The following GLRX5 variants were observed in gnomAD, a reference collection of about 807,000 sequenced individuals.
The protein encoded by GLRX5 is glutaredoxin 5, also known as glutaredoxin-related protein 5, mitochondrial.
GLRX5 carries 10 observed loss-of-function variants against 13.8 expected under a neutral mutation model. The ratio of observed to expected loss-of-function variants is 0.72; its 90% confidence interval spans 0.45 to 1.23. The LOEUF is 1.23. GLRX5 is among the 50% of genes most tolerant of loss of function. The pLI, the probability that GLRX5 is intolerant of heterozygous loss-of-function variation, is 0.00. For missense variants in GLRX5, 233 were observed against 215.2 expected (o/e 1.08, Z -0.52); for synonymous variants, 98 against 101.1 (o/e 0.97, Z 0.18).
intron 1 of GLRX5, among the ~76,000 whole-genome samples, chr14:95,537,206 G>A (rs1353340089): frequency 6.6e-6 from 1 of 152,194 alleles, no homozygotes; most frequent in Non-Finnish European, 1.5e-5. Context: ...CTGGAAATGA[G>A]ATATGCTGGA....
chr14:95,543,094 G>A (rs1252914148), intron 1 of GLRX5: 1 of 455,914 alleles, frequency 2.2e-6, no homozygotes, highest in Admixed American at 2.3e-5. Context: ...CATGCATGCT[G>A]GTTGGTTTCT....
chr14:95,544,286 CG>C lies in GLRX5; in HGVS notation c.*164del. On this transcript the variant is annotated 3_prime_UTR_variant, in exon 2 of 2. Coordinates refer to ENST00000331334, the MANE Select transcript of GLRX5 (RefSeq NM_016417.3). ...TGGTGATTTTAGTTGGTCTGGTGTTCGGGCTAAGAATATTTTATTGTGGACT... is the reference window on the plus strand; with the variant it reads ...TGGTGATTTTAGTTGGTCTGGTGTTCGGCTAAGAATATTTTATTGTGGACT... The C allele has an allele frequency of 1.5e-6, 1 of 667,182 alleles. No individual in the cohort carries two copies. The allele number at this position is 667,182 out of a possible 1,614,324, so 41.3% of individuals were successfully genotyped here.
chr14:95,542,930 C>T (rs1326223249), intron 1 of GLRX5: 2 of 423,040 alleles, frequency 4.7e-6, no homozygotes, highest in Non-Finnish European at 9.7e-6. Flanking sequence ...TCTTTTATGT[C>T]TTAAGATTGA....
chr14:95,543,261 A>G (rs1211989593), intron 1 of GLRX5: 1 of 450,552 alleles, frequency 2.2e-6, no homozygotes, highest in African/African-American at 2.0e-5. Flanking sequence ...AGCCCATCAC[A>G]GTGGCTGGAT....
At chr14:95,539,713 A>G (rs1891439807) in intron 1 of GLRX5, among the ~76,000 whole-genome samples, 1 of 152,148 alleles carries the variant, frequency 6.6e-6, no homozygotes. Flanking sequence ...CTGCGCTGTC[A>G]CTGTGAGTTT....
chr14:95,540,609 C>T (rs369270881), intron 1 of GLRX5, among the ~76,000 whole-genome samples: 1 of 152,198 alleles, frequency 6.6e-6, no homozygotes, highest in East Asian at 1.9e-4. Flanking sequence ...CATCTTATCT[C>T]GACTTAACGC....
Position 95,535,178 on chromosome 14 carries a change from G to C in GLRX5, c.89G>C (p.Arg30Pro). 6.8e-7 allele frequency: 1 copy of C among 1,471,454 alleles called. No individual in the cohort carries two copies. The highest frequency in any genetic ancestry group is 9.0e-7 in the Non-Finnish European group (1 of 1,108,268). 91.1% of individuals were successfully genotyped at this position (1,471,454 alleles called of 1,614,324 possible). A position where few individuals can be genotyped will look rare whatever the true frequency, so the allele number is the denominator to read the frequency against. Residue 30 changes from arginine to proline, a missense_variant, in exon 1 of 2, where the codon CGG becomes CCG. Transcript: ENST00000331334. ...GGTGGCCTTTGGGGTCCGGGCGTGC[G>C]GGCGGCGGGCTCGGGCGCGGGCGGC... Reference protein sequence around the residue: ...GGGGLWGPGVRAAGSGAGGGG... With the variant: ...GGGGLWGPGVPAAGSGAGGGG...
chr14:95,538,461 G>C (rs1891418288), intron 1 of GLRX5, among the ~76,000 whole-genome samples: 2 of 152,170 alleles, frequency 1.3e-5, no homozygotes, highest in Admixed American at 1.3e-4. Flanking sequence ...CAGTATCAGG[G>C]AATTGAAGAC....
chr14:95,537,629 G>C (rs748086686), intron 1 of GLRX5, among the ~76,000 whole-genome samples: 1 of 152,170 alleles, frequency 6.6e-6, no homozygotes, highest in Non-Finnish European at 1.5e-5. Context: ...TTTGCCAGCC[G>C]AAACTATGTT....
At chr14:95,535,903 C>T (rs1185488259) in intron 1 of GLRX5, among the ~76,000 whole-genome samples, 1 of 152,150 alleles carries the variant, frequency 6.6e-6, no homozygotes, top group African/African-American at 2.4e-5. Context: ...GGAGGCTGAT[C>T]TCGCTTGGCT....
At chr14:95,541,097 G>A (rs1389053992) in intron 1 of GLRX5, among the ~76,000 whole-genome samples, 1 of 152,206 alleles carries the variant, frequency 6.6e-6, no homozygotes, top group African/African-American at 2.4e-5. Context: ...TATCACATAT[G>A]AAATAATGAT....
At chr14:95,535,497 G>C in intron 1 of GLRX5, 113 bp downstream of exon 1, 1 of 1,081,884 alleles carries the variant, frequency 9.2e-7, no homozygotes, top group South Asian at 1.4e-5. Flanking sequence ...ATCCGCCGGG[G>C]TCTGTCTGAA....
chr14:95,543,380 G>A (rs1891504977), intron 1 of GLRX5: 1 of 338,866 alleles, frequency 3.0e-6, no homozygotes, highest in Non-Finnish European at 5.8e-6. Context: ...ATCTCGAGGA[G>A]AAGTGACTGA....
intron 1 of GLRX5, among the ~76,000 whole-genome samples, chr14:95,537,569 T>C (rs1891402666): frequency 6.6e-6 from 1 of 152,270 alleles, no homozygotes; most frequent in African/African-American, 2.4e-5. Context: ...CCCTCTTCCC[T>C]ATACAGCTTT....
At chr14:95,540,946 TTGTA>T (rs1891463776) in intron 1 of GLRX5, among the ~76,000 whole-genome samples, 1 of 152,188 alleles carries the variant, frequency 6.6e-6, no homozygotes, top group Non-Finnish European at 1.5e-5. Context: ...ATGAATTTGT[TTGTA>T]TGGGTTTTTT....
intron 1 of GLRX5, among the ~76,000 whole-genome samples, chr14:95,536,308 G>C (rs1891377793): frequency 6.6e-6 from 1 of 152,230 alleles, no homozygotes; most frequent in Non-Finnish European, 1.5e-5. Flanking sequence ...CCTTGGCCAG[G>C]ATGGTCAGGG....
At chr14:95,537,723 G>C (rs1891404643) in intron 1 of GLRX5, among the ~76,000 whole-genome samples, 1 of 152,246 alleles carries the variant, frequency 6.6e-6, no homozygotes, top group African/African-American at 2.4e-5. Context: ...ATGCCAAGGA[G>C]ACCTGAACTT....
intron 1 of GLRX5, among the ~76,000 whole-genome samples, chr14:95,537,925 C>T (rs1272229456): frequency 1.3e-5 from 2 of 152,200 alleles, no homozygotes; most frequent in Non-Finnish European, 2.9e-5. Flanking sequence ...AGAAGACAGT[C>T]ACAAAGGGAT....
chr14:95,543,981 G>A lies in GLRX5; in HGVS notation c.330G>A (p.Pro110=), dbSNP rs200453045. The part of the protein sequence containing the change: ...IKDYSNWPTI[P]QVYLNGEFVG... ...ACTATTCCAACTGGCCCACCATCCC[G>A]CAAGTGTACCTCAATGGCGAGTTTG... The change falls in exon 2 of 2, where the codon CCG becomes CCA. Residue 110 remains proline, a synonymous_variant. Transcript: ENST00000331334. The A allele has an allele frequency of 3.6e-5, 58 of 1,613,844 alleles. No homozygotes were observed. The highest frequency in any genetic ancestry group is 6.7e-5 in the African/African-American group (5 of 74,910).
Sources: allele counts gnomAD v4.1 joint callset (sites outside exome capture counted in the v4.1 genomes callset), GRCh38; gene constraint gnomAD v4.1.1; transcripts MANE v1.5; gene names NCBI Gene and HGNC (gene_info 2026-07-23, HGNC 2026-07-21).